The following HOXA3 variants were observed in gnomAD, a reference collection of about 807,000 sequenced individuals.
HOXA3 encodes the protein homeobox protein Hox-A3.
HOXA3 carries 8 observed loss-of-function variants against 30.3 expected under a neutral mutation model. The observed-to-expected ratio is 0.26, with a 90% CI of 0.15 to 0.48. HOXA3 has a LOEUF of 0.48. HOXA3 is among the 20% of genes least tolerant of loss of function. The pLI is 0.99. For synonymous variants in HOXA3, 323 were observed against 273.1 expected, an observed-to-expected ratio of 1.18 and a Z score of -1.80; for missense variants, 653 against 614.4, an observed-to-expected ratio of 1.06 and a Z score of -0.66.
chr7:27,137,992 G>C (rs1248971544), intron 2 of HOXA3, among the ~76,000 whole-genome samples: 1 of 151,606 alleles, frequency 6.6e-6, no homozygotes, highest in Admixed American at 6.6e-5. Flanking sequence ...AATCACTCAA[G>C]CAAGATCACC....
Position 27,110,437 on chromosome 7 carries a change from A to C in HOXA3, c.204T>G (p.Ser68Arg). The change falls in exon 5 of 6, where the codon AGT (serine) becomes AGG (arginine). Residue 68 changes from serine to arginine, a missense_variant. By Grantham distance (110) the Ser-to-Arg change is moderately radical. Coordinates refer to ENST00000612286, the MANE Select transcript of HOXA3 (RefSeq NM_153631.3). ...AGGHPKAHEL[S>R]EACLRTLSAP... Reference sequence around the variant, plus strand: ...CGCTCAGGGTGCGCAGGCACGCCTCACTCAGTTCGTGTGCCTTGGGGTGGC... The same window carrying C: ...CGCTCAGGGTGCGCAGGCACGCCTCCCTCAGTTCGTGTGCCTTGGGGTGGC... 6.3e-7 allele frequency: 1 copy of C among 1,575,610 alleles called. No homozygotes were observed. Among genetic ancestry groups the C allele is most frequent in the Non-Finnish European group, 8.6e-7 (1 of 1,160,234 alleles).
At chr7:27,117,394 G>A (rs1018559111) in intron 4 of HOXA3, among the ~76,000 whole-genome samples, 4 of 152,214 alleles carry the variant, frequency 2.6e-5, no homozygotes, top group Non-Finnish European at 4.4e-5. Context: ...TCTGTCTCCC[G>A]AATGTTAGAA....
At chr7:27,127,539 TTAC>T (rs765712691) in intron 2 of HOXA3, among the ~76,000 whole-genome samples, 12 of 152,208 alleles carry the variant, frequency 7.9e-5, no homozygotes, top group Non-Finnish European at 1.0e-4. Context: ...TATGCTAAAA[TTAC>T]TACATTACTT....
At chr7:27,135,163 G>A (rs1785673874) in intron 2 of HOXA3, among the ~76,000 whole-genome samples, 1 of 150,928 alleles carries the variant, frequency 6.6e-6, no homozygotes, top group African/African-American at 2.4e-5. Flanking sequence ...TTCTTAGGTT[G>A]CTTTATCTTC....
intron 1 of HOXA3, chr7:27,143,224 G>A (rs1216804201): frequency 6.2e-7 from 1 of 1,609,998 alleles, no homozygotes; most frequent in Non-Finnish European, 8.5e-7. Context: ...CGTCGGCCGA[G>A]GCGCCGCTGG....
At position 27,113,627 on chromosome 7, in the gene HOXA3, T is replaced by C. The variant is rs1267082360; in HGVS notation, c.-120-2867A>G. On this transcript the variant is annotated intron_variant, in intron 4 of 5. Transcript: ENST00000612286. The surrounding 1 kb of genome is among the most constrained non-coding windows in gnomAD (Gnocchi z 4.8). ...CGGCCGGTTGCGGCCCTGCTTACCTTAACTTCTGACGAGCGCAGGCTCGGG... is the reference window on the plus strand; with the variant it reads ...CGGCCGGTTGCGGCCCTGCTTACCTCAACTTCTGACGAGCGCAGGCTCGGG... The C allele has an allele frequency of 6.6e-6, 1 of 152,066 alleles. No individual in the cohort carries two copies. Among genetic ancestry groups the C allele is most frequent in the Non-Finnish European group, 1.5e-5 (1 of 68,040 alleles). The allele number at this position is 152,066 out of a possible 1,614,324, so 9.4% of individuals were successfully genotyped here.
intron 4 of HOXA3, among the ~76,000 whole-genome samples, chr7:27,111,898 C>T (rs1050337291): frequency 2.0e-5 from 3 of 152,076 alleles, no homozygotes; most frequent in East Asian, 1.9e-4. Context: ...TGGCTCCCGA[C>T]GAGGGATGGA....
Position 27,108,815 on chromosome 7 carries a change from A to C in HOXA3, c.527-95T>G. The C allele has an allele frequency of 1.1e-6, 1 of 900,966 alleles. No individual in the cohort carries two copies. The highest frequency in any genetic ancestry group is 1.7e-6 in the Non-Finnish European group (1 of 603,854). 55.8% of individuals were successfully genotyped at this position (900,966 alleles called of 1,614,324 possible). A position where few individuals can be genotyped will look rare whatever the true frequency, so the allele number is the denominator to read the frequency against. On this transcript the variant is annotated intron_variant, in intron 5 of 5. Transcript: ENST00000612286. This position sits in a 1 kb window ranked among gnomAD's most constrained non-coding sequence, Gnocchi z 5.0. ...CGGCCCCTCCTTCCACCAGGCCCCAAAGGTTCCTGCATCCGTCAGGTCCCA... is the reference window on the plus strand; with the variant it reads ...CGGCCCCTCCTTCCACCAGGCCCCACAGGTTCCTGCATCCGTCAGGTCCCA...
At chr7:27,149,738 G>A (rs1201328681) in intron 1 of HOXA3, among the ~76,000 whole-genome samples, 1 of 152,196 alleles carries the variant, frequency 6.6e-6, no homozygotes, top group Non-Finnish European at 1.5e-5. Context: ...GAAAACTCGA[G>A]TCAAAAAATT....
At chr7:27,147,401 T>C in intron 1 of HOXA3, 4 of 1,614,214 alleles carry the variant, frequency 2.5e-6, no homozygotes, top group Non-Finnish European at 3.4e-6. Context: ...CCCTGCCCGC[T>C]GCTGCTGTCG....
chr7:27,116,659 A>G (rs1784742817), intron 4 of HOXA3: 1 of 152,248 alleles, frequency 6.6e-6, no homozygotes, highest in African/African-American at 2.4e-5. Flanking sequence ...AGATGCCTCT[A>G]ACAAACCTCT....
rs1311531547 is a variant in HOXA3 at position 27,108,028 on chromosome 7, C to A, written c.1219G>T (p.Gly407Cys). The stretch of plus-strand genomic sequence containing the variant: ...CCAGGCCCCGGCCCGTGGTGGTGGC[C>A]GCTGCCCAGCGGCCCGGCACCCCCA... Reference protein sequence around the residue: ...DYGGAGPLGSGHHHGPGPGEP... With the variant: ...DYGGAGPLGSCHHHGPGPGEP... Residue 407 changes from glycine to cysteine, a missense_variant, in exon 6 of 6, where the codon GGC becomes TGC. This residue lies in a region of HOXA3 where 330 missense variants were observed against 274.4 expected (regional missense o/e 1.20). Coordinates refer to ENST00000612286, the MANE Select transcript of HOXA3 (RefSeq NM_153631.3). The surrounding 1 kb of genome is among the most constrained non-coding windows in gnomAD (Gnocchi z 5.0). The A allele has an allele frequency of 1.2e-6, 2 of 1,612,712 alleles. No individual in the cohort carries two copies. Among genetic ancestry groups the A allele is most frequent in the South Asian group, 1.1e-5 (1 of 91,006 alleles).
rs1784482425 is a variant in HOXA3 at position 27,113,350 on chromosome 7, C to T, written c.-120-2590G>A. ...AGCCTTCCCTCACCCCAAATCTGAGCGGGTTCGTCGGATAGGAGCCCCGAG... is the reference window on the plus strand; with the variant it reads ...AGCCTTCCCTCACCCCAAATCTGAGTGGGTTCGTCGGATAGGAGCCCCGAG... On this transcript the variant is annotated intron_variant, in intron 4 of 5. Coordinates refer to ENST00000612286, the MANE Select transcript of HOXA3 (RefSeq NM_153631.3). This position sits in a 1 kb window ranked among gnomAD's most constrained non-coding sequence, Gnocchi z 4.8. Among the ~76,000 whole-genome samples the T allele has an allele frequency of 3.3e-5, 5 of 152,258 alleles. No homozygotes were observed. Among genetic ancestry groups the T allele is most frequent in the Middle Eastern group, 3.4e-3 (1 of 294 alleles).
intron 1 of HOXA3, chr7:27,143,104 C>T (rs1782631772): frequency 6.4e-7 from 1 of 1,569,648 alleles, no homozygotes; most frequent in Non-Finnish European, 8.6e-7. Flanking sequence ...CGGGCGGCGC[C>T]GGGCTCGGCT....
intron 2 of HOXA3, among the ~76,000 whole-genome samples, chr7:27,131,019 G>A (rs1306028032): frequency 6.6e-6 from 1 of 152,096 alleles, no homozygotes; most frequent in Non-Finnish European, 1.5e-5. Context: ...GCGCGGGTGC[G>A]TGATGGATGC....
chr7:27,131,862 G>C (rs1252909263), intron 2 of HOXA3, among the ~76,000 whole-genome samples: 1 of 152,222 alleles, frequency 6.6e-6, no homozygotes, highest in Admixed American at 6.5e-5. Flanking sequence ...TGAGGCTAGA[G>C]TTATATTTGC....
intron 1 of HOXA3, among the ~76,000 whole-genome samples, chr7:27,145,039 G>A (rs947675052): frequency 1.3e-5 from 2 of 152,174 alleles, no homozygotes; most frequent in Admixed American, 1.3e-4. Context: ...TTCCACTGAC[G>A]GTTGCACACG....
At chr7:27,148,738 T>G (rs932715158) in intron 1 of HOXA3, among the ~76,000 whole-genome samples, 3 of 152,250 alleles carry the variant, frequency 2.0e-5, no homozygotes, top group Non-Finnish European at 4.4e-5. Context: ...CCTGCTCCCC[T>G]GCCTAGCGCC....
At chr7:27,130,131 G>T in intron 2 of HOXA3, 1 of 1,602,826 alleles carries the variant, frequency 6.2e-7, no homozygotes, top group South Asian at 1.1e-5. Context: ...CGCTGACATG[G>T]ATCTTCTTCA....
Sources: gnomAD v4.1 joint callset for allele counts (sites outside exome capture counted in the v4.1 genomes callset) on GRCh38, gnomAD v4.1.1 for gene constraint, gnomAD v4.1.1 regional missense constraint, Gnocchi (gnomAD v3.1) non-coding constraint, MANE v1.5 for transcripts, NCBI Gene and HGNC (gene_info 2026-07-23, HGNC 2026-07-21) for gene names.